UNKL: variants seen among roughly 807,000 people sequenced by gnomAD.
UNKL encodes unk like zinc finger.
A neutral mutation model predicts 78.0 loss-of-function variants in UNKL; 60 were observed. That is an observed-to-expected ratio of 0.77 (90% CI 0.63 to 0.95). The LOEUF is 0.95. UNKL is among the 40% of genes least tolerant of loss of function. UNKL has a pLI of 0.00. For missense variants in UNKL, 1,159 were observed against 1,045.7 expected (o/e 1.11, Z -1.49); for synonymous variants, 608 against 474.8 (o/e 1.28, Z -3.65).
Position 1,403,195 on chromosome 16 carries a change from T to C in UNKL, c.437A>G (p.Asp146Gly). 1 of 1,613,512 alleles carries C rather than the reference T, an allele frequency of 6.2e-7. No homozygotes were observed. Among genetic ancestry groups the C allele is most frequent in the Non-Finnish European group, 8.5e-7 (1 of 1,179,786 alleles). ...LHCAFAHGPL[D>G]LRPPVCDVRE... is the part of the protein sequence containing the mutation. ...GACGTCACACACGGGCGGCCGCAGG[T>C]CCAGGGGGCCGTGCGCGAAGGCACA... The change falls in exon 3 of 15, where the codon GAC becomes GGC. Residue 146 changes from aspartate to glycine, a missense_variant. By Grantham distance (94) the Asp-to-Gly change is moderately conservative (BLOSUM62 -1). Transcript: ENST00000389221. The surrounding 1 kb of genome is among the most constrained non-coding windows in gnomAD (Gnocchi z 4.8).
intron 11 of UNKL, 75 bp downstream of exon 11, chr16:1,371,444 A>C: frequency 6.9e-7 from 1 of 1,459,548 alleles, no homozygotes; most frequent in Admixed American, 2.0e-5. Context: ...CCCCGGGCTC[A>C]AGCGATCCTC....
chr16:1,406,631 C>G (rs1166505386), intron 2 of UNKL, among the ~76,000 whole-genome samples: 1 of 152,110 alleles, frequency 6.6e-6, no homozygotes, highest in Non-Finnish European at 1.5e-5. Context: ...TGAGCCACTG[C>G]ACCCGGATGC....
intron 10 of UNKL, among the ~76,000 whole-genome samples, chr16:1,375,751 C>T (rs1015702048): frequency 2.6e-5 from 4 of 152,218 alleles, no homozygotes; most frequent in South Asian, 2.1e-4. Context: ...GGATGCTCAT[C>T]GGCGGAGCCA....
chr16:1,366,384 C>G lies in UNKL; in HGVS notation c.2058G>C (p.Gln686His). The change falls in exon 15 of 15, where the codon CAG becomes CAC. Residue 686 changes from glutamine to histidine, a missense_variant. Physicochemically the swap from Gln to His is conservative, Grantham distance 24 (BLOSUM62 0). Coordinates refer to ENST00000389221, the MANE Select transcript of UNKL (RefSeq NM_001372107.1). ...DLEAVDGVIF[Q>H]LRAKQCVACR... ...AGGCCACACACTGCTTGGCGCGGAG[C>G]TGGAAGATCACCTGCAGGGCCAGAA... is the stretch of plus-strand genomic sequence containing the variant. 1.3e-6 allele frequency: 2 copies of G among 1,592,754 alleles called. No individual in the cohort carries two copies. Among genetic ancestry groups the G allele is most frequent in the Non-Finnish European group, 1.7e-6 (2 of 1,167,266 alleles).
In UNKL at chr16:1,399,266, C is replaced by G. The variant is rs1350483205; in HGVS notation, c.734+108G>C. ...CCCTCCCCTCCCGGGGATGATGGTG[C>G]CACAAGGGCAGCCCTCCCATTAGAA... On this transcript the variant is annotated intron_variant, in intron 5 of 14. Transcript: ENST00000389221. The surrounding 1 kb of genome is among the most constrained non-coding windows in gnomAD (Gnocchi z 5.8). 6 of 1,418,570 alleles carry G rather than the reference C, an allele frequency of 4.2e-6. No homozygotes were observed. Among genetic ancestry groups the G allele is most frequent in the Non-Finnish European group, 4.6e-6 (5 of 1,085,750 alleles). The allele number at this position is 1,418,570 out of a possible 1,614,324, so 87.9% of individuals were successfully genotyped here.
At chr16:1,370,071 G>C (rs1047725877) in intron 12 of UNKL, 59 bp downstream of exon 12, 33 of 1,548,420 alleles carry the variant, frequency 2.1e-5, no homozygotes, top group Non-Finnish European at 2.7e-5. Flanking sequence ...GACGGCATCT[G>C]GGAGGGAGCC....
In UNKL at chr16:1,403,119, G is replaced by A. The variant is rs2037603162; in HGVS notation, c.464+49C>T. On this transcript the variant is annotated intron_variant, in intron 3 of 14. Transcript: ENST00000389221. The surrounding 1 kb of genome is among the most constrained non-coding windows in gnomAD (Gnocchi z 4.8). Reference sequence around the variant, plus strand: ...GCCGAGTTCCTGCTCATCCAGCAGAGCCCACAGCAGCAGGCAGGCCAAGTG... The same window carrying A: ...GCCGAGTTCCTGCTCATCCAGCAGAACCCACAGCAGCAGGCAGGCCAAGTG... 6.4e-7 allele frequency: 1 copy of A among 1,566,752 alleles called. No individual in the cohort carries two copies. Among genetic ancestry groups the A allele is most frequent in the Non-Finnish European group, 8.7e-7 (1 of 1,155,992 alleles).
At chr16:1,398,712 C>A in intron 5 of UNKL, 2 of 1,306,316 alleles carry the variant, frequency 1.5e-6, no homozygotes, top group South Asian at 2.8e-5. Context: ...GTGCAAACTG[C>A]AGACAGGAGG....
intron 1 of UNKL, 105 bp from the exon 2 acceptor site, chr16:1,414,160 GA>G: frequency 1.7e-6 from 2 of 1,169,118 alleles, no homozygotes; most frequent in Non-Finnish European, 2.4e-6. Flanking sequence ...ACCCAGGGTC[GA>G]CCCGTACTCA....
In UNKL at chr16:1,399,665, A is replaced by C; in HGVS notation, c.599-156T>G. ...ACACGCCACGGCACACGCTGATGTCAAAGGACTCGCGCTCCATGAGGGAAG... is the reference window on the plus strand; with the variant it reads ...ACACGCCACGGCACACGCTGATGTCCAAGGACTCGCGCTCCATGAGGGAAG... On this transcript the variant is annotated intron_variant, in intron 4 of 14. Coordinates refer to ENST00000389221, the MANE Select transcript of UNKL (RefSeq NM_001372107.1). This position sits in a 1 kb window ranked among gnomAD's most constrained non-coding sequence, Gnocchi z 5.8. The C allele has an allele frequency of 8.8e-7, 1 of 1,131,762 alleles. No homozygotes were observed. The highest frequency in any genetic ancestry group is 1.2e-6 in the Non-Finnish European group (1 of 802,840). The allele number at this position is 1,131,762 out of a possible 1,614,324, so 70.1% of individuals were successfully genotyped here.
chr16:1,403,370 C>T lies in UNKL; in HGVS notation c.288-26G>A, dbSNP rs575383021. 1.2e-6 allele frequency: 2 copies of T among 1,609,238 alleles called. No homozygotes were observed. The highest frequency in any genetic ancestry group is 1.7e-5 in the Admixed American group (1 of 59,578). The stretch of plus-strand genomic sequence containing the variant: ...CTGGGGAGCAGAGAGGCACGCAATG[C>T]CTGGTTATCATGGACCCAGAGGCAG... On this transcript the variant is annotated intron_variant, in intron 2 of 14. Coordinates refer to ENST00000389221, the MANE Select transcript of UNKL (RefSeq NM_001372107.1). This position sits in a 1 kb window ranked among gnomAD's most constrained non-coding sequence, Gnocchi z 4.8.
chr16:1,379,672 C>A (rs541777058), intron 10 of UNKL: 26 of 984,556 alleles, frequency 2.6e-5, no homozygotes, highest in Admixed American at 6.2e-5. Context: ...GCGCCGCCGC[C>A]GGGGATTCAA....
Position 1,399,868 on chromosome 16 carries a change from C to G in UNKL, c.599-359G>C, listed in dbSNP as rs2037440961. The stretch of plus-strand genomic sequence containing the variant: ...TCCAACTAGAGAGAGGTGATGTGTG[C>G]ACAGCTTTTGAGAATATGCTAAAAT... On this transcript the variant is annotated intron_variant, in intron 4 of 14. Transcript: ENST00000389221. This position sits in a 1 kb window ranked among gnomAD's most constrained non-coding sequence, Gnocchi z 5.8. Among the ~76,000 whole-genome samples, 1 of 152,130 alleles carries G rather than the reference C, an allele frequency of 6.6e-6. No homozygotes were observed. Among genetic ancestry groups the G allele is most frequent in the African/African-American group, 2.4e-5 (1 of 41,418 alleles).
chr16:1,391,673 G>A (rs2037057607), intron 8 of UNKL, among the ~76,000 whole-genome samples: 1 of 151,632 alleles, frequency 6.6e-6, no homozygotes, highest in South Asian at 2.1e-4. Flanking sequence ...CGGTTCTCCT[G>A]AGTTCCATTT....
At chr16:1,397,056 C>G in intron 6 of UNKL, 122 bp downstream of exon 6, 1 of 1,093,480 alleles carries the variant, frequency 9.1e-7, no homozygotes, top group Non-Finnish European at 1.3e-6. Flanking sequence ...GCTTCCCGAC[C>G]TGTGCCAGCC....
rs563011800 is a variant in UNKL at position 1,403,513 on chromosome 16, C to A, written c.288-169G>T. ...GACACACTGGACGCAGCACCTGTCC[C>A]CAAATGTGGAACCGCCCAGGTACAC... is the stretch of plus-strand genomic sequence containing the variant. On this transcript the variant is annotated intron_variant, in intron 2 of 14. Coordinates refer to ENST00000389221, the MANE Select transcript of UNKL (RefSeq NM_001372107.1). This position sits in a 1 kb window ranked among gnomAD's most constrained non-coding sequence, Gnocchi z 4.8. 6.6e-6 allele frequency among the ~76,000 whole-genome samples: 1 copy of A among 152,168 alleles called. No individual in the cohort carries two copies.
chr16:1,396,583 T>C (rs2037270698), intron 6 of UNKL, among the ~76,000 whole-genome samples: 2 of 151,910 alleles, frequency 1.3e-5, no homozygotes, highest in African/African-American at 4.8e-5. Context: ...CCTGAATATA[T>C]ATATTTTTTT....
At position 1,399,180 on chromosome 16, in the gene UNKL, A is replaced by C. The variant is rs960660939; in HGVS notation, c.734+194T>G. On this transcript the variant is annotated intron_variant, in intron 5 of 14. Coordinates refer to ENST00000389221, the MANE Select transcript of UNKL (RefSeq NM_001372107.1). This position sits in a 1 kb window ranked among gnomAD's most constrained non-coding sequence, Gnocchi z 5.8. ...ACACTGAGCGTAGGTGGGGAGGCCC[A>C]TCCCCAGGACAGACGCGTGGGCCTC... 1 of 1,148,560 alleles carries C rather than the reference A, an allele frequency of 8.7e-7. No homozygotes were observed. Among genetic ancestry groups the C allele is most frequent in the Admixed American group, 3.0e-5 (1 of 32,944 alleles). 71.1% of individuals were successfully genotyped at this position (1,148,560 alleles called of 1,614,324 possible).
chr16:1,366,315 G>A lies in UNKL; in HGVS notation c.2127C>T (p.His709=). Residue 709 remains histidine, a synonymous_variant, in exon 15 of 15, where the codon CAC becomes CAT. Coordinates refer to ENST00000389221, the MANE Select transcript of UNKL (RefSeq NM_001372107.1). ...AHGAVLRPCQ[H]HILCEPCAAT... ...CCGCACACGGCTCACAGAGGATGTG[G>A]TGCTGACAGGGCCGCAGGACAGCAC... The A allele has an allele frequency of 6.2e-7, 1 of 1,603,104 alleles. No individual in the cohort carries two copies. The highest frequency in any genetic ancestry group is 8.5e-7 in the Non-Finnish European group (1 of 1,176,120).
Sources: gnomAD v4.1 joint callset for allele counts (sites outside exome capture counted in the v4.1 genomes callset) on GRCh38, gnomAD v4.1.1 for gene constraint, Gnocchi (gnomAD v3.1) non-coding constraint, MANE v1.5 for transcripts, NCBI Gene and HGNC (gene_info 2026-07-23, HGNC 2026-07-21) for gene names.